GRIN2A: variants seen among roughly 807,000 people sequenced by gnomAD.
GRIN2A encodes glutamate ionotropic receptor NMDA type subunit 2A, also known as glutamate receptor ionotropic, NMDA 2A.
GRIN2A carries 22 observed loss-of-function variants against 113.4 expected under a neutral mutation model. That is an observed-to-expected ratio of 0.19 (90% CI 0.14 to 0.28). GRIN2A has a LOEUF of 0.28. Ranked by LOEUF, GRIN2A falls within the 10% of genes least tolerant of loss-of-function variation. GRIN2A has a pLI of 1.00. For missense variants in GRIN2A, 1,502 were observed against 1,887.0 expected, an observed-to-expected ratio of 0.80 and a Z score of 3.78; for synonymous variants, 827 against 738.4, an observed-to-expected ratio of 1.12 and a Z score of -1.94.
intron 2 of GRIN2A, among the ~76,000 whole-genome samples, chr16:9,945,262 T>C (rs1252824849): frequency 6.6e-6 from 1 of 152,150 alleles, no homozygotes; most frequent in African/African-American, 2.4e-5. Flanking sequence ...CTAGGTCATC[T>C]GATCTGCTAC....
intron 2 of GRIN2A, among the ~76,000 whole-genome samples, chr16:10,082,992 C>G (rs143566203): frequency 7.2e-4 from 110 of 152,262 alleles, no homozygotes; most frequent in African/African-American, 2.6e-3. Flanking sequence ...CTGACTTGAT[C>G]ACAGCATGAT....
chr16:10,077,291 G>C (rs1204502495), intron 2 of GRIN2A, among the ~76,000 whole-genome samples: 1 of 152,180 alleles, frequency 6.6e-6, no homozygotes, highest in African/African-American at 2.4e-5. Flanking sequence ...TAGCAGCAAA[G>C]GGAAAAAATA....
At chr16:9,910,792 C>A (rs1366706451) in intron 3 of GRIN2A, among the ~76,000 whole-genome samples, 10 of 152,070 alleles carry the variant, frequency 6.6e-5, no homozygotes. Context: ...CCTGCCTTGG[C>A]CTCCCAAAGT....
chr16:10,138,069 T>C (rs944765944), intron 2 of GRIN2A, among the ~76,000 whole-genome samples: 5 of 152,204 alleles, frequency 3.3e-5, no homozygotes, highest in Non-Finnish European at 7.3e-5. Context: ...TCCTAGACCC[T>C]AGTTCTGTCA....
At chr16:9,952,761 C>T in intron 2 of GRIN2A, among the ~76,000 whole-genome samples, 1 of 151,818 alleles carries the variant, frequency 6.6e-6, no homozygotes, top group Admixed American at 6.6e-5. Flanking sequence ...GAACTCAATG[C>T]TTATATCTGT....
At chr16:10,128,877 G>A (rs1400037900) in intron 2 of GRIN2A, among the ~76,000 whole-genome samples, 2 of 152,228 alleles carry the variant, frequency 1.3e-5, no homozygotes, top group Non-Finnish European at 2.9e-5. Flanking sequence ...CAACTGGAGA[G>A]TCATAGAAAT....
At chr16:10,131,109 A>C (rs2049052475) in intron 2 of GRIN2A, among the ~76,000 whole-genome samples, 1 of 152,230 alleles carries the variant, frequency 6.6e-6, no homozygotes, top group African/African-American at 2.4e-5. Context: ...GGCATGATGG[A>C]AAATAGCGGC....
chr16:10,013,054 G>C (rs1260052969), intron 2 of GRIN2A, among the ~76,000 whole-genome samples: 1 of 152,144 alleles, frequency 6.6e-6, no homozygotes, highest in Admixed American at 6.5e-5. Context: ...TGAGTACTGA[G>C]ATTAATACCT....
At chr16:10,171,850 T>G (rs1032827006) in intron 2 of GRIN2A, among the ~76,000 whole-genome samples, 1 of 152,204 alleles carries the variant, frequency 6.6e-6, no homozygotes, top group Non-Finnish European at 1.5e-5. Context: ...GTGGATGCTA[T>G]TATTGTTCCC....
rs571477454 is a variant in GRIN2A at position 10,056,841 on chromosome 16, C to A, written c.415-118290G>T. Among the ~76,000 whole-genome samples, 180 of 152,280 alleles carry A rather than the reference C, an allele frequency of 1.2e-3. 1 individual carries two copies. Among genetic ancestry groups the A allele is most frequent in the Non-Finnish European group, 2.0e-3 (138 of 68,018 alleles). ...GTAATGCCAGAACCTTGATTTTGAA[C>A]ATCTAGCCTCTAGAACTGTGATATA... On this transcript the variant is annotated intron_variant, in intron 2 of 12. Transcript: ENST00000330684.
chr16:10,124,614 C>T (rs925693087), intron 2 of GRIN2A, among the ~76,000 whole-genome samples: 8 of 152,072 alleles, frequency 5.3e-5, no homozygotes, highest in Non-Finnish European at 1.0e-4. Flanking sequence ...CCAGGTGAGA[C>T]GGAGCTGGGA....
At chr16:9,782,646 A>G (rs1334408975) in intron 11 of GRIN2A, among the ~76,000 whole-genome samples, 1 of 152,186 alleles carries the variant, frequency 6.6e-6, no homozygotes. Context: ...CTTGTCAGGC[A>G]TGGGCCTGGC....
At chr16:9,783,714 A>G (rs1343246757) in intron 11 of GRIN2A, among the ~76,000 whole-genome samples, 1 of 152,214 alleles carries the variant, frequency 6.6e-6, no homozygotes. Flanking sequence ...ATGGACCCCA[A>G]CTGAGTGATT....
intron 3 of GRIN2A, among the ~76,000 whole-genome samples, chr16:9,932,678 C>T (rs566724120): frequency 6.6e-5 from 10 of 151,990 alleles, no homozygotes; most frequent in South Asian, 4.1e-4. Flanking sequence ...CCACCACGCC[C>T]GGCCTAATAA....
intron 2 of GRIN2A, among the ~76,000 whole-genome samples, chr16:10,083,672 C>A (rs546305845): frequency 6.6e-6 from 1 of 152,174 alleles, no homozygotes; most frequent in Non-Finnish European, 1.5e-5. Flanking sequence ...TCCTACCTGA[C>A]GAATTTATCT....
intron 2 of GRIN2A, among the ~76,000 whole-genome samples, chr16:10,170,854 G>C (rs1259919710): frequency 6.6e-6 from 1 of 150,622 alleles, no homozygotes; most frequent in African/African-American, 2.4e-5. Context: ...TCCAGCCTGG[G>C]CAACAGAGTG....
Position 9,763,592 on chromosome 16 carries a change from G to T in GRIN2A, c.3952C>A (p.Arg1318=). 2.5e-6 allele frequency: 4 copies of T among 1,613,530 alleles called. No homozygotes were observed. Among genetic ancestry groups the T allele is most frequent in the Non-Finnish European group, 3.4e-6 (4 of 1,179,942 alleles). ...CCGTAAAAATTTCCCTCCAGAAGCC[G>T]TTCCCTGTCCTTGAGGCTTATGCTC... ...SRSISLKDRE[R]LLEGNFYGSL... Residue 1318 remains arginine, a synonymous_variant, in exon 13 of 13, where the codon CGG becomes AGG. Transcript: ENST00000330684.
chr16:10,008,092 C>G (rs2046436771), intron 2 of GRIN2A, among the ~76,000 whole-genome samples: 1 of 152,118 alleles, frequency 6.6e-6, no homozygotes, highest in South Asian at 2.1e-4. Flanking sequence ...ACTTGAACAT[C>G]TTGGGGGGAA....
At chr16:10,147,290 A>G (rs2049460641) in intron 2 of GRIN2A, among the ~76,000 whole-genome samples, 1 of 152,022 alleles carries the variant, frequency 6.6e-6, no homozygotes, top group South Asian at 2.1e-4. Flanking sequence ...AAACCCTGCT[A>G]AAAGAAGACA....
Sources: gnomAD v4.1 joint callset for allele counts (sites outside exome capture counted in the v4.1 genomes callset) on GRCh38, gnomAD v4.1.1 for gene constraint, MANE v1.5 for transcripts, NCBI Gene and HGNC (gene_info 2026-07-23, HGNC 2026-07-21) for gene names.